SIGIRR: variants seen among roughly 807,000 people sequenced by gnomAD.
SIGIRR encodes single Ig IL-1-related receptor.
SIGIRR carries 41 observed loss-of-function variants against 45.6 expected under a neutral mutation model. The ratio of observed to expected loss-of-function variants is 0.90; its 90% CI spans 0.70 to 1.17. The LOEUF (loss-of-function observed/expected upper bound fraction) is 1.17. SIGIRR is among the 50% of genes most tolerant of loss of function. The probability of loss-of-function intolerance (pLI) is 0.00; values close to 1 mark genes in which losing one functional copy is unlikely to be tolerated. For missense variants in SIGIRR, 599 were observed against 539.6 expected (o/e 1.11, Z -1.09); for synonymous variants, 298 against 239.0 (o/e 1.25, Z -2.28).
intron 1 of SIGIRR, among the ~76,000 whole-genome samples, chr11:412,915 C>T (rs925234594): frequency 5.9e-5 from 9 of 152,238 alleles, no homozygotes; most frequent in South Asian, 4.1e-4. Flanking sequence ...TTTCCCAGCC[C>T]GTAGCAGCAG....
At position 407,546 on chromosome 11, in the gene SIGIRR, GTAGGCGTCGTAGAGCT is replaced by G. The variant is rs906069108; in HGVS notation, c.488_503del (p.Lys163ThrfsTer14). 4.4e-6 allele frequency: 7 copies of G among 1,609,012 alleles called. No homozygotes were observed. The Admixed American group carries it at 8.4e-5, about 19-fold the overall frequency. On this transcript the variant is annotated frameshift_variant, in exon 6 of 10. Transcript: ENST00000431843. LOFTEE classifies it high-confidence loss of function. Reference sequence around the variant, plus strand: ...CCTCGGGGCAGTCGCTGTAGGAGACGTAGGCGTCGTAGAGCTTCCCGTCTGCGGACGGCGGCCAGTC... The same window carrying G: ...CCTCGGGGCAGTCGCTGTAGGAGACGTCCCGTCTGCGGACGGCGGCCAGTC...
intron 4 of SIGIRR, 46 bp from the exon 5 acceptor site, chr11:408,003 G>C: frequency 6.2e-7 from 1 of 1,603,936 alleles, no homozygotes; most frequent in Non-Finnish European, 8.5e-7. Flanking sequence ...CAGCCCCCAA[G>C]CCTCAAGATC....
At position 409,949 on chromosome 11, in the gene SIGIRR, G is replaced by A; in HGVS notation, c.-75C>T. On this transcript the variant is annotated 5_prime_UTR_variant, in exon 2 of 10. Coordinates refer to ENST00000431843, the MANE Select transcript of SIGIRR (RefSeq NM_001135054.2). ...CTGGCTCCACCGGGCTCCTCGGCCA[G>A]CAGACTGATCCAAGAGCTGGGCAGG... The A allele has an allele frequency of 8.7e-6, 11 of 1,258,230 alleles. No individual in the cohort carries two copies. The highest frequency in any genetic ancestry group is 1.0e-5 in the Non-Finnish European group (10 of 996,920). 77.9% of individuals were successfully genotyped at this position (1,258,230 alleles called of 1,614,324 possible). A position where few individuals can be genotyped will look rare whatever the true frequency, so the allele number is the denominator to read the frequency against.
rs887193390 is a variant in SIGIRR, at chr11:408,098, G to A, written c.315C>T (p.Phe105=). The A allele has an allele frequency of 6.8e-6, 11 of 1,612,726 alleles. No individual in the cohort carries two copies. The Admixed American group carries it at 1.2e-4, about 17-fold the overall frequency. ...AFTCSIQNIS[F]SSFTLQRAGP... ...CAGCTCTCTGAAGAGTGAAGGAGGA[G>A]AAGCTGATGTTCTGGATGGAGCAGG... Residue 105 remains phenylalanine (F), a synonymous_variant, in exon 4 of 10, where the codon TTC becomes TTT. Transcript: ENST00000431843.
chr11:406,707 C>T (rs1341274026), intron 8 of SIGIRR, 136 bp downstream of exon 8: 7 of 1,408,892 alleles, frequency 5.0e-6, no homozygotes, highest in African/African-American at 4.3e-5. Flanking sequence ...CCCCAGGCAG[C>T]GGAACCTCCC....
Position 405,736 on chromosome 11 carries a change from T to C in SIGIRR, c.*160A>G, listed in dbSNP as rs950193181. ...CCCAGCAGAATCCAAAAGGACTTTA[T>C]TTTCTGGCACTGGGAGGCGCCCTGA... On this transcript the variant is annotated 3_prime_UTR_variant, in exon 10 of 10. Transcript: ENST00000431843. 62 of 819,052 alleles carry C rather than the reference T, an allele frequency of 7.6e-5. No homozygotes were observed. The highest frequency in any genetic ancestry group is 1.1e-4 in the Non-Finnish European group (61 of 546,908). The allele number at this position is 819,052 out of a possible 1,614,324, so 50.7% of individuals were successfully genotyped here. A position where few individuals can be genotyped will look rare whatever the true frequency, so the allele number is the denominator to read the frequency against.
chr11:412,752 C>T (rs572798578), intron 1 of SIGIRR, among the ~76,000 whole-genome samples: 4 of 151,184 alleles, frequency 2.6e-5, no homozygotes, highest in East Asian at 2.0e-4. Context: ...CTCTGGCCCA[C>T]GTCTGGTTAC....
Position 407,471 on chromosome 11 carries a change from C to A in SIGIRR, c.579G>T (p.Arg193=). The change falls in exon 6 of 10, where the codon CGG becomes CGT. Residue 193 remains arginine, a synonymous_variant. Transcript: ENST00000431843. ...FILKPQLERR[R]GYKLFLDDRD... ...GGTCGTCCAGGAAGAGCTTGTAGCC[C>A]CGACGCCGCTCCAGCTGCGGCTTTA... 6.4e-7 allele frequency: 1 copy of A among 1,572,554 alleles called. No individual in the cohort carries two copies. Among genetic ancestry groups the A allele is most frequent in the East Asian group, 2.4e-5 (1 of 41,966 alleles).
chr11:407,052 C>A lies in SIGIRR; in HGVS notation c.728+10G>T. 1 of 1,574,932 alleles carries A rather than the reference C, an allele frequency of 6.3e-7. No homozygotes were observed. The highest frequency in any genetic ancestry group is 8.6e-7 in the Non-Finnish European group (1 of 1,167,056). On this transcript the variant is annotated intron_variant, in intron 7 of 9. Coordinates refer to ENST00000431843, the MANE Select transcript of SIGIRR (RefSeq NM_001135054.2). ...ACGCTGGGGCCCACCCAACCCCGCG[C>A]GGGACCCACCGGAAGCTGTGGCTGC...
At chr11:416,675 G>A (rs1311090494), upstream of SIGIRR, among the ~76,000 whole-genome samples, 4 of 152,068 alleles carry the variant, frequency 2.6e-5, no homozygotes, top group Non-Finnish European at 5.9e-5. The surrounding 1 kb of genome is among the most constrained non-coding windows in gnomAD (Gnocchi z 9.1). Context: ...CTCCCCGTGC[G>A]CGCTGGGCCC....
chr11:406,087 G>C (rs1385725429), intron 9 of SIGIRR, 28 bp from the exon 10 acceptor site: 34 of 1,549,850 alleles, frequency 2.2e-5, no homozygotes, highest in East Asian at 1.9e-4. Flanking sequence ...AGACGCCTGA[G>C]GTGGCCACCC....
intron 2 of SIGIRR, 71 bp from the exon 3 acceptor site, chr11:408,964 G>A: frequency 7.0e-7 from 1 of 1,422,196 alleles, no homozygotes; most frequent in African/African-American, 1.4e-5. Flanking sequence ...AGTGGTCCGT[G>A]GTGCAGGAAG....
chr11:405,862 G>A lies in SIGIRR; in HGVS notation c.*34C>T, dbSNP rs1400803273. On this transcript the variant is annotated 3_prime_UTR_variant, in exon 10 of 10. Transcript: ENST00000431843. ...GAGCGACGCCGCTGCCCTGGCCCCCGCTGTCCCTATGATCCTGCACTCTGG... is the reference window on the plus strand; with the variant it reads ...GAGCGACGCCGCTGCCCTGGCCCCCACTGTCCCTATGATCCTGCACTCTGG... The A allele has an allele frequency of 1.9e-6, 3 of 1,556,380 alleles. No homozygotes were observed. Among genetic ancestry groups the A allele is most frequent in the Middle Eastern group, 1.7e-4 (1 of 5,758 alleles).
chr11:417,397 C>CAGCCCCGGCGGCGGCGT (rs1166464254), upstream of SIGIRR: 2 of 152,080 alleles, frequency 1.3e-5, no homozygotes, highest in South Asian at 2.1e-4. The surrounding 1 kb of genome is among the most constrained non-coding windows in gnomAD (Gnocchi z 4.2). Flanking sequence ...GCAGCGGCAA[C>CAGCCCCGGCGGCGGCGT]AGCCCCGGCG....
chr11:407,139 G>T lies in SIGIRR; in HGVS notation c.651C>A (p.Asn217Lys). 1 of 1,540,430 alleles carries T rather than the reference G, an allele frequency of 6.5e-7. No homozygotes were observed. The highest frequency in any genetic ancestry group is 8.7e-7 in the Non-Finnish European group (1 of 1,150,992). The change falls in exon 7 of 10, where the codon AAC becomes AAA. Residue 217 changes from asparagine (N) to lysine (K), a missense_variant. Asn to Lys is a moderately conservative substitution (Grantham distance 94, BLOSUM62 0). Transcript: ENST00000431843. ...RAEPSADLLV[N>K]LSRCRRLIVV... ...CGATGAGGCGTCGGCAGCGGCTCAG[G>T]TTCACCAAGAGGTCGGCGGAGGGCT... is the stretch of plus-strand genomic sequence containing the variant.
At position 407,111 on chromosome 11, in the gene SIGIRR, C is replaced by T; in HGVS notation, c.679G>A (p.Val227Met). Residue 227 changes from valine (V) to methionine (M), a missense_variant, in exon 7 of 10, where the codon GTG becomes ATG. Coordinates refer to ENST00000431843, the MANE Select transcript of SIGIRR (RefSeq NM_001135054.2). The part of the protein sequence containing the change: ...NLSRCRRLIV[V>M]LSDAFLSRAW... ...CGGCTCAGGAAGGCGTCCGAAAGCACCACGATGAGGCGTCGGCAGCGGCTC... is the reference window on the plus strand; with the variant it reads ...CGGCTCAGGAAGGCGTCCGAAAGCATCACGATGAGGCGTCGGCAGCGGCTC... 1 of 1,538,458 alleles carries T rather than the reference C, an allele frequency of 6.5e-7. No individual in the cohort carries two copies. Among genetic ancestry groups the T allele is most frequent in the South Asian group, 1.2e-5 (1 of 80,972 alleles).
chr11:406,630 G>A, intron 8 of SIGIRR, 92 bp from the exon 9 acceptor site: 3 of 1,469,578 alleles, frequency 2.0e-6, no homozygotes, highest in South Asian at 2.7e-5. Flanking sequence ...GCTGCCCACG[G>A]GTTCCACGCC....
rs750809277 is a variant in SIGIRR, at chr11:407,904, G to A, written c.394C>T (p.Leu132=). The A allele has an allele frequency of 2.1e-5, 34 of 1,612,282 alleles. No individual in the cohort carries two copies. In the Middle Eastern group the frequency reaches 6.6e-4, roughly 31 times the overall value. ...VLASLLVLLA[L]LLAALLYVKC... ...ACATAGAGCAGGGCGGCCAGCAGCA[G>A]GGCCAGCAGGACCAGGAGGGAGGCC... The change falls in exon 5 of 10, where the codon CTG becomes TTG. Residue 132 remains leucine (L), a synonymous_variant. Transcript: ENST00000431843.
chr11:407,008 C>T lies in SIGIRR; in HGVS notation c.729-15G>A, dbSNP rs370571788. 4.7e-5 allele frequency: 75 copies of T among 1,590,242 alleles called. No individual in the cohort carries two copies. The African/African-American group carries it at 8.9e-4, about 19-fold the overall frequency. ...ACAGGCCCTCCCTGCGGGGCGGGAC[C>T]GTCAGGGGGGTGGGTGCTACGCTGG... On this transcript the variant is annotated splice_polypyrimidine_tract_variant and intron_variant, in intron 7 of 9. Coordinates refer to ENST00000431843, the MANE Select transcript of SIGIRR (RefSeq NM_001135054.2).
Sources: allele counts gnomAD v4.1 joint callset (sites outside exome capture counted in the v4.1 genomes callset), GRCh38; gene constraint gnomAD v4.1.1; non-coding constraint Gnocchi (gnomAD v3.1); transcripts MANE v1.5; gene names NCBI Gene and HGNC (gene_info 2026-07-23, HGNC 2026-07-21).